RSPO4: variants seen among roughly 807,000 people sequenced by gnomAD.
The protein encoded by RSPO4 is R-spondin-4.
Under a neutral mutation model 24.8 loss-of-function variants are expected in RSPO4, and 23 were observed. The ratio of observed to expected loss-of-function variants is 0.93; its 90% confidence interval spans 0.67 to 1.31. The LOEUF is 1.31. Among genes scored for constraint, RSPO4 ranks in the 40% most tolerant of loss-of-function variants. The pLI is 0.00. For synonymous variants in RSPO4, 141 were observed against 127.4 expected (o/e 1.11, Z -0.72); for missense variants, 333 against 316.5 (o/e 1.05, Z -0.39).
intron 1 of RSPO4, among the ~76,000 whole-genome samples, chr20:1,001,422 C>G (rs1985458555): frequency 1.3e-5 from 2 of 152,184 alleles, no homozygotes; most frequent in African/African-American, 4.8e-5. Flanking sequence ...GCATGCGGCC[C>G]CTGGTACATT....
Position 963,985 on chromosome 20 carries a change from T to C in RSPO4, c.545A>G (p.Gln182Arg), listed in dbSNP as rs559253642. 6.2e-7 allele frequency: 1 copy of C among 1,614,004 alleles called. No individual in the cohort carries two copies. Among genetic ancestry groups the C allele is most frequent in the African/African-American group, 1.3e-5 (1 of 75,058 alleles). The change falls in exon 4 of 5, where the codon CAG becomes CGG. Residue 182 changes from glutamine to arginine, a missense_variant. Gln to Arg is a conservative substitution (Grantham distance 43). Coordinates refer to ENST00000217260, the MANE Select transcript of RSPO4 (RefSeq NM_001029871.4). ...ACATTTCCTTGACTCAGAAAGCACC[T>C]GGCAGGTGGCTGCCTCCTCATGCCC... Reference protein sequence around the residue: ...RAGHEEAATCQVLSESRKCPI... With the variant: ...RAGHEEAATCRVLSESRKCPI...
chr20:960,212 G>C lies in RSPO4; in HGVS notation c.*145C>G, dbSNP rs1983940759. 1 of 628,642 alleles carries C rather than the reference G, an allele frequency of 1.6e-6. No homozygotes were observed. 38.9% of individuals were successfully genotyped at this position (628,642 alleles called of 1,614,324 possible). The stretch of plus-strand genomic sequence containing the variant: ...AAGAAAAAGAAAGGGAAGGTAGACT[G>C]ACAGAAAAATGATAGAAGGGTGGAA... On this transcript the variant is annotated 3_prime_UTR_variant, in exon 5 of 5. Transcript: ENST00000217260.
chr20:977,503 T>C (rs1432889733), intron 1 of RSPO4, among the ~76,000 whole-genome samples: 4 of 152,168 alleles, frequency 2.6e-5, no homozygotes, highest in Non-Finnish European at 5.9e-5. Context: ...CGGGTCTCCA[T>C]GACATCACTG....
chr20:986,807 C>G (rs1207610215), intron 1 of RSPO4, among the ~76,000 whole-genome samples: 5 of 151,926 alleles, frequency 3.3e-5, no homozygotes, highest in African/African-American at 1.2e-4. Flanking sequence ...GGGGAATGAT[C>G]CAAGTGTGTG....
At chr20:963,774 A>G (rs932378134) in intron 4 of RSPO4, among the ~76,000 whole-genome samples, 161 bp downstream of exon 4, 3 of 152,158 alleles carry the variant, frequency 2.0e-5, no homozygotes, top group African/African-American at 7.2e-5. Flanking sequence ...CCTCCTTTGA[A>G]AGGACACCAG....
chr20:979,879 G>A (rs938451575), intron 1 of RSPO4, among the ~76,000 whole-genome samples: 1 of 151,902 alleles, frequency 6.6e-6, no homozygotes, highest in Non-Finnish European at 1.5e-5. Flanking sequence ...CTCCCACGTC[G>A]CTATGTTCTT....
At chr20:961,053 C>T (rs1983982602) in intron 4 of RSPO4, among the ~76,000 whole-genome samples, 1 of 152,182 alleles carries the variant, frequency 6.6e-6, no homozygotes. Context: ...CTCTTTCTCT[C>T]CACCCTTCTA....
At chr20:965,794 C>T (rs1395687597) in intron 3 of RSPO4, among the ~76,000 whole-genome samples, 1 of 152,210 alleles carries the variant, frequency 6.6e-6, no homozygotes, top group Non-Finnish European at 1.5e-5. Flanking sequence ...TCAGGTGTCG[C>T]TTCTGTCTCT....
Position 981,341 on chromosome 20 carries a change from A to G in RSPO4, c.80-13203T>C, listed in dbSNP as rs1044366524. 1.3e-5 allele frequency among the ~76,000 whole-genome samples: 2 copies of G among 152,144 alleles called. No individual in the cohort carries two copies. Among genetic ancestry groups the G allele is most frequent in the African/African-American group, 4.8e-5 (2 of 41,428 alleles). On this transcript the variant is annotated intron_variant, in intron 1 of 4. Coordinates refer to ENST00000217260, the MANE Select transcript of RSPO4 (RefSeq NM_001029871.4). The surrounding 1 kb of genome is among the most constrained non-coding windows in gnomAD (Gnocchi z 4.6). Reference sequence around the variant, plus strand: ...GGAGTTCGAGACCAGCCTGGCCAACATGGCAAAACCCCGTCTCTACTAAAA... The same window carrying G: ...GGAGTTCGAGACCAGCCTGGCCAACGTGGCAAAACCCCGTCTCTACTAAAA...
At chr20:972,735 G>A (rs1198212645) in intron 1 of RSPO4, among the ~76,000 whole-genome samples, 4 of 152,178 alleles carry the variant, frequency 2.6e-5, no homozygotes, top group Non-Finnish European at 1.5e-5. Context: ...TGATGATGTC[G>A]GGTTTTCCGC....
At chr20:983,816 A>C (rs1984817548) in intron 1 of RSPO4, among the ~76,000 whole-genome samples, 1 of 152,216 alleles carries the variant, frequency 6.6e-6, no homozygotes, top group South Asian at 2.1e-4. Context: ...GACTGCCTCA[A>C]CAATCCTGCA....
At chr20:984,593 A>C (rs977707698) in intron 1 of RSPO4, among the ~76,000 whole-genome samples, 27 of 152,164 alleles carry the variant, frequency 1.8e-4, no homozygotes, top group African/African-American at 6.3e-4. Flanking sequence ...CCAATGCTCC[A>C]TGCTCCTTGC....
chr20:960,295 A>G lies in RSPO4; in HGVS notation c.*62T>C. The G allele has an allele frequency of 9.9e-7, 1 of 1,005,402 alleles. No individual in the cohort carries two copies. The highest frequency in any genetic ancestry group is 1.5e-6 in the Non-Finnish European group (1 of 662,494). The allele number at this position is 1,005,402 out of a possible 1,614,324, so 62.3% of individuals were successfully genotyped here. The stretch of plus-strand genomic sequence containing the variant: ...GAAAGAGTAAGAGGAGAGGAGGAGA[A>G]GGAGCAGGAGGAGGTGTGCAGGGGC... On this transcript the variant is annotated 3_prime_UTR_variant, in exon 5 of 5. Transcript: ENST00000217260.
chr20:966,339 G>T (rs868287996), intron 3 of RSPO4, among the ~76,000 whole-genome samples: 1 of 152,164 alleles, frequency 6.6e-6, no homozygotes, highest in Admixed American at 6.5e-5. Context: ...ATACTGACAC[G>T]TACTGAGCAT....
intron 4 of RSPO4, among the ~76,000 whole-genome samples, 165 bp from the exon 5 acceptor site, chr20:960,631 G>A (rs1051571049): frequency 1.3e-5 from 2 of 152,252 alleles, no homozygotes; most frequent in Non-Finnish European, 2.9e-5. Context: ...AGTTTGGACC[G>A]TGGGCTAAGG....
intron 1 of RSPO4, among the ~76,000 whole-genome samples, chr20:987,896 G>A (rs1984970571): frequency 6.6e-6 from 1 of 152,230 alleles, no homozygotes; most frequent in African/African-American, 2.4e-5. Context: ...ACTTTTCAAG[G>A]CACTGCAGAT....
chr20:979,316 C>T lies in RSPO4; in HGVS notation c.80-11178G>A, dbSNP rs190891478. 3.7e-3 allele frequency among the ~76,000 whole-genome samples: 563 copies of T among 152,272 alleles called. 2 individuals carry two copies. The highest frequency in any genetic ancestry group is 0.014 in the Middle Eastern group (4 of 294). On this transcript the variant is annotated intron_variant, in intron 1 of 4. Transcript: ENST00000217260. ...CCTTTTGTCTGGAATGCCCTTCCCA[C>T]ATTCACCCGCAAGGCTCCCTCCCTC...
At chr20:1,001,130 G>A (rs566561292) in intron 1 of RSPO4, among the ~76,000 whole-genome samples, 1 of 152,310 alleles carries the variant, frequency 6.6e-6, no homozygotes, top group East Asian at 1.9e-4. Context: ...AAAACTGGAC[G>A]ACCCCTATGT....
At chr20:994,315 A>G (rs191248605) in intron 1 of RSPO4, among the ~76,000 whole-genome samples, 1 of 152,314 alleles carries the variant, frequency 6.6e-6, no homozygotes, top group Non-Finnish European at 1.5e-5. Context: ...GGGCTGTTCT[A>G]TGTCCTGATG....
Sources: allele counts gnomAD v4.1 joint callset (sites outside exome capture counted in the v4.1 genomes callset), GRCh38; gene constraint gnomAD v4.1.1; non-coding constraint Gnocchi (gnomAD v3.1); transcripts MANE v1.5; gene names NCBI Gene and HGNC (gene_info 2026-07-23, HGNC 2026-07-21).